HOOK3: variants seen among roughly 807,000 people sequenced by gnomAD.
The protein encoded by HOOK3 is hook microtubule tethering protein 3, also known as protein Hook homolog 3.
Under a neutral mutation model 116.3 loss-of-function variants are expected in HOOK3, and 24 were observed. That is an observed-to-expected ratio of 0.21 (90% CI 0.15 to 0.29). The LOEUF is 0.29. Among genes scored for constraint, HOOK3 ranks in the 10% least tolerant of loss-of-function variants. HOOK3 has a pLI of 1.00. For missense variants in HOOK3, 632 were observed against 830.2 expected (o/e 0.76, Z 2.93); for synonymous variants, 275 against 283.0 (o/e 0.97, Z 0.28).
chr8:42,967,848 G>GTTGTAAC (rs539421754), intron 10 of HOOK3, among the ~76,000 whole-genome samples, 165 bp from the exon 11 acceptor site: 72 of 151,778 alleles, frequency 4.7e-4, no homozygotes, highest in African/African-American at 1.7e-3. Context: ...TAAACATTTA[G>GTTGTAAC]TTGTAACTTA....
chr8:42,956,657 T>G (rs1808441534), intron 6 of HOOK3, among the ~76,000 whole-genome samples: 1 of 152,236 alleles, frequency 6.6e-6, no homozygotes, highest in African/African-American at 2.4e-5. Context: ...CCATCTCGGC[T>G]CACTGCAACC....
At chr8:42,998,828 A>C (rs1809329269) in intron 16 of HOOK3, among the ~76,000 whole-genome samples, 1 of 152,180 alleles carries the variant, frequency 6.6e-6, no homozygotes, top group South Asian at 2.1e-4. Flanking sequence ...AAAATTTAAA[A>C]CATGTTTTTA....
At position 43,023,422 on chromosome 8, in the gene HOOK3, CCTTCTTTTCTTTT is replaced by C. The variant is rs1809869294; in HGVS notation, c.*4925_*4937del. 1 of 166,180 alleles carries C rather than the reference CCTTCTTTTCTTTT, an allele frequency of 6.0e-6. No homozygotes were observed. Among genetic ancestry groups the C allele is most frequent in the Non-Finnish European group, 1.3e-5 (1 of 77,084 alleles). 10.3% of individuals were successfully genotyped at this position (166,180 alleles called of 1,614,324 possible). On this transcript the variant is annotated 3_prime_UTR_variant, in exon 22 of 22. Coordinates refer to ENST00000307602, the MANE Select transcript of HOOK3 (RefSeq NM_032410.4). ...CCTTCCTTCCTTCCTTCCTTCCTTC[CCTTCTTTTCTTTT>C]TTCTTTTCTTTTCTTTTCTCCCTCC...
intron 8 of HOOK3, among the ~76,000 whole-genome samples, chr8:42,960,652 A>G (rs769748912): frequency 4.6e-5 from 7 of 152,170 alleles, no homozygotes; most frequent in Non-Finnish European, 7.4e-5. Context: ...CAGGGAGACA[A>G]TCATTACATG....
chr8:42,980,365 T>G (rs901165619), intron 13 of HOOK3, among the ~76,000 whole-genome samples: 1 of 152,194 alleles, frequency 6.6e-6, no homozygotes, highest in Non-Finnish European at 1.5e-5. Flanking sequence ...CTATCACATT[T>G]GTTTCTTTGC....
At position 43,029,612 on chromosome 8, in the gene HOOK3, A is replaced by G. The variant is rs1375480329; in HGVS notation, c.*11114A>G. The G allele has an allele frequency of 1.0e-5, 2 of 191,542 alleles. No individual in the cohort carries two copies. The highest frequency in any genetic ancestry group is 2.2e-5 in the Non-Finnish European group (2 of 91,594). The allele number at this position is 191,542 out of a possible 1,614,324, so 11.9% of individuals were successfully genotyped here. A position where few individuals can be genotyped will look rare whatever the true frequency, so the allele number is the denominator to read the frequency against. On this transcript the variant is annotated 3_prime_UTR_variant, in exon 22 of 22. Transcript: ENST00000307602. Reference sequence around the variant, plus strand: ...CTTGTTTTGCAGTTTTCATGTTTTGACAATTGCCCACCATTTACAATACTC... The same window carrying G: ...CTTGTTTTGCAGTTTTCATGTTTTGGCAATTGCCCACCATTTACAATACTC...
At chr8:42,997,447 G>A in intron 15 of HOOK3, 103 bp from the exon 16 acceptor site, 1 of 670,512 alleles carries the variant, frequency 1.5e-6, no homozygotes, top group South Asian at 1.9e-5. Flanking sequence ...TATAACATGA[G>A]ACTTGATTTT....
intron 4 of HOOK3, among the ~76,000 whole-genome samples, 189 bp from the exon 5 acceptor site, chr8:42,943,124 T>C (rs1304397196): frequency 1.3e-5 from 2 of 152,162 alleles, no homozygotes; most frequent in Non-Finnish European, 2.9e-5. Flanking sequence ...GAGTAGGGAC[T>C]AAGTTGCTGT....
chr8:43,030,445 T>A lies in HOOK3; in HGVS notation c.*11947T>A, dbSNP rs1162869542. On this transcript the variant is annotated 3_prime_UTR_variant, in exon 22 of 22. Transcript: ENST00000307602. ...GAATAAAGTTAAGATTTGGTCAAAC[T>A]ATATTTTCCCATTCAAGTACAAAAA... The A allele has an allele frequency of 1.7e-5, 3 of 177,568 alleles. No homozygotes were observed. The highest frequency in any genetic ancestry group is 7.1e-5 in the African/African-American group (3 of 42,306). 11.0% of individuals were successfully genotyped at this position (177,568 alleles called of 1,614,324 possible). A position where few individuals can be genotyped will look rare whatever the true frequency, so the allele number is the denominator to read the frequency against.
At chr8:42,970,782 CTTT>C (rs764513803) in intron 11 of HOOK3, among the ~76,000 whole-genome samples, 203 of 93,854 alleles carry the variant, frequency 2.2e-3, no homozygotes, top group African/African-American at 8.0e-3. Context: ...GAATTTGGGT[CTTT>C]TTTTTTTTTT....
intron 4 of HOOK3, among the ~76,000 whole-genome samples, chr8:42,940,922 T>TTTTATTTA (rs58441707): frequency 2.2e-4 from 33 of 151,788 alleles, no homozygotes; most frequent in African/African-American, 6.5e-4. Context: ...ATTTTGTTTA[T>TTTTATTTA]TTTATTTATT....
intron 7 of HOOK3, among the ~76,000 whole-genome samples, chr8:42,958,753 A>G (rs1452507438): frequency 6.6e-6 from 1 of 151,880 alleles, no homozygotes; most frequent in African/African-American, 2.4e-5. Context: ...TCCTAATGCT[A>G]TCCCTCCCCT....
intron 2 of HOOK3, among the ~76,000 whole-genome samples, chr8:42,914,811 C>T (rs570707914): frequency 6.6e-6 from 1 of 152,296 alleles, no homozygotes; most frequent in East Asian, 1.9e-4. Flanking sequence ...ACTGTTACTT[C>T]TTTTATCTTT....
intron 2 of HOOK3, among the ~76,000 whole-genome samples, chr8:42,915,671 G>A (rs541408409): frequency 6.6e-6 from 1 of 151,988 alleles, no homozygotes; most frequent in African/African-American, 2.4e-5. Context: ...ACCTCAGGAG[G>A]TCCGCCTGTC....
chr8:42,972,988 A>G (rs543371884), intron 11 of HOOK3, among the ~76,000 whole-genome samples: 55 of 152,260 alleles, frequency 3.6e-4, no homozygotes, highest in Admixed American at 3.2e-3. Flanking sequence ...CCACCCCAGC[A>G]TTTATTTTGT....
At chr8:42,994,423 T>C in intron 15 of HOOK3, 1 of 413,270 alleles carries the variant, frequency 2.4e-6, no homozygotes, top group South Asian at 1.7e-5. Context: ...GTTTTCTCTT[T>C]TTTGATGTAG....
At chr8:42,926,859 C>T (rs556047827) in intron 3 of HOOK3, among the ~76,000 whole-genome samples, 50 of 152,294 alleles carry the variant, frequency 3.3e-4, no homozygotes, top group African/African-American at 1.1e-3. Flanking sequence ...AGAACTATTC[C>T]GTCACCACAC....
Position 42,974,100 on chromosome 8 carries a change from T to C in HOOK3, c.1234-7T>C. 6.8e-6 allele frequency: 11 copies of C among 1,608,736 alleles called. No individual in the cohort carries two copies. Among genetic ancestry groups the C allele is most frequent in the Non-Finnish European group, 9.4e-6 (11 of 1,175,316 alleles). On this transcript the variant is annotated splice_polypyrimidine_tract_variant and splice_region_variant and intron_variant, in intron 12 of 21. Transcript: ENST00000307602. ...AGCTAACCCTCCATGTTTTTGTGTC[T>C]CTCCAGAGGCTGAGAACAGAAAGGG... is the stretch of plus-strand genomic sequence containing the variant.
At chr8:42,957,812 T>C (rs1808462139) in intron 7 of HOOK3, among the ~76,000 whole-genome samples, 1 of 151,460 alleles carries the variant, frequency 6.6e-6, no homozygotes, top group Non-Finnish European at 1.5e-5. Flanking sequence ...CTTTGTACTT[T>C]TAAATATCTC....
Sources: gnomAD v4.1 joint callset for allele counts (sites outside exome capture counted in the v4.1 genomes callset) on GRCh38, gnomAD v4.1.1 for gene constraint, MANE v1.5 for transcripts, NCBI Gene and HGNC (gene_info 2026-07-23, HGNC 2026-07-21) for gene names.